The following CASP8 variants were observed in gnomAD, a reference collection of about 807,000 sequenced individuals.
The protein encoded by CASP8 is caspase-8.
A neutral mutation model predicts 46.3 loss-of-function variants in CASP8; 24 were observed. The ratio of observed to expected loss-of-function variants is 0.52; its 90% CI spans 0.38 to 0.73. CASP8 has a LOEUF of 0.73. CASP8 is among the 30% of genes least tolerant of loss of function. The pLI is 0.00. For missense variants in CASP8, 460 were observed against 559.0 expected (o/e 0.82, Z 1.79); for synonymous variants, 188 against 200.4 (o/e 0.94, Z 0.52).
At chr2:201,270,409 C>G (rs1948159979) in intron 2 of CASP8, among the ~76,000 whole-genome samples, 1 of 152,194 alleles carries the variant, frequency 6.6e-6, no homozygotes, top group South Asian at 2.1e-4. Flanking sequence ...AAAGTTAACA[C>G]TGCTCAAAGA....
At chr2:201,246,932 T>C (rs967499581) in intron 2 of CASP8, among the ~76,000 whole-genome samples, 1 of 152,026 alleles carries the variant, frequency 6.6e-6, no homozygotes, top group African/African-American at 2.4e-5. Flanking sequence ...CACAGTGGCT[T>C]ACTCCTGTAA....
At chr2:201,268,946 TG>T (rs1559353267) in intron 2 of CASP8, among the ~76,000 whole-genome samples, 1 of 145,038 alleles carries the variant, frequency 6.9e-6, no homozygotes, top group East Asian at 2.0e-4. Context: ...TGTGTGTGTG[TG>T]TGTGTGTGTG....
intron 2 of CASP8, among the ~76,000 whole-genome samples, chr2:201,247,547 C>T (rs917107216): frequency 2.7e-5 from 4 of 150,464 alleles, no homozygotes; most frequent in South Asian, 2.1e-4. Flanking sequence ...GGTGTGATCT[C>T]GGCTCACTGC....
At chr2:201,276,139 G>A (rs758654042) in intron 6 of CASP8, among the ~76,000 whole-genome samples, 16 of 152,184 alleles carry the variant, frequency 1.1e-4, no homozygotes, top group Middle Eastern at 3.4e-3. Context: ...TGAGTTTCTC[G>A]GTACTGAAAC....
intron 2 of CASP8, chr2:201,269,460 G>A (rs1292871704): frequency 3.7e-6 from 5 of 1,333,436 alleles, no homozygotes; most frequent in Non-Finnish European, 5.3e-6. Context: ...CCAGAACAAG[G>A]AAAGCCGAGG....
chr2:201,244,344 C>G (rs1946420107), intron 2 of CASP8, among the ~76,000 whole-genome samples: 1 of 152,208 alleles, frequency 6.6e-6, no homozygotes, highest in African/African-American at 2.4e-5. Flanking sequence ...ACAGGCATAT[C>G]AATGAATTTA....
intron 2 of CASP8, among the ~76,000 whole-genome samples, chr2:201,244,575 G>A (rs1946431445): frequency 6.6e-6 from 1 of 152,012 alleles, no homozygotes; most frequent in South Asian, 2.1e-4. Context: ...AAAAAAAAAA[G>A]TTTCTCTTCT....
chr2:201,264,651 A>T (rs538228125), intron 1 of CASP8, among the ~76,000 whole-genome samples: 3 of 152,170 alleles, frequency 2.0e-5, no homozygotes, highest in Non-Finnish European at 4.4e-5. Flanking sequence ...CCAGACAATT[A>T]TCATGCCAGC....
intron 7 of CASP8, among the ~76,000 whole-genome samples, chr2:201,278,987 T>C (rs1442619271): frequency 6.6e-6 from 1 of 150,438 alleles, no homozygotes. Context: ...TTTGGGGGAG[T>C]TGAAAAAAAA....
intron 2 of CASP8, among the ~76,000 whole-genome samples, chr2:201,254,144 A>G (rs1946913511): frequency 6.6e-6 from 1 of 152,194 alleles, no homozygotes; most frequent in Admixed American, 6.5e-5. Context: ...ATCAGAGTCT[A>G]ACAAACTCAA....
intron 7 of CASP8, among the ~76,000 whole-genome samples, chr2:201,283,697 C>CT (rs1232967749): frequency 1.1e-5 from 1 of 92,014 alleles, no homozygotes; most frequent in Non-Finnish European, 2.7e-5. Context: ...ACCACCCCCC[C>CT]CCGCCTCCCT....
Position 201,239,076 on chromosome 2 carries a change from G to A in CASP8, c.-27+4964G>A, listed in dbSNP as rs548354311. The stretch of plus-strand genomic sequence containing the variant: ...ACAGCACATGTTTCAGAGAGCACAG[G>A]GTTGGGGGTAAGGTCACAGATCTAC... On this transcript the variant is annotated intron_variant, in intron 2 of 6. Transcript: ENST00000264274. 3.7e-4 allele frequency among the ~76,000 whole-genome samples: 57 copies of A among 152,214 alleles called. No homozygotes were observed. In the South Asian group the frequency reaches 5.2e-3, roughly 14 times the overall value.
intron 2 of CASP8, among the ~76,000 whole-genome samples, chr2:201,254,249 G>C (rs539376398): frequency 6.6e-6 from 1 of 152,316 alleles, no homozygotes; most frequent in South Asian, 2.1e-4. Context: ...ACAAGCTGCA[G>C]AGTATGCAGA....
chr2:201,282,036 A>G lies in CASP8; in HGVS notation c.803-2780A>G, dbSNP rs1949074460. On this transcript the variant is annotated intron_variant, in intron 7 of 8. Transcript: ENST00000673742. ...ATAGTGGAGGGAAGGTCAGCAGATA[A>G]ACAAGTGAACAAAGGTCTCTGGTTT... 9 of 100,130 alleles carry G rather than the reference A, an allele frequency of 9.0e-5. No individual in the cohort carries two copies. In the South Asian group the frequency reaches 1.3e-3, roughly 14 times the overall value. 6.2% of individuals were successfully genotyped at this position (100,130 alleles called of 1,614,324 possible).
intron 2 of CASP8, among the ~76,000 whole-genome samples, chr2:201,253,532 T>C (rs1946881730): frequency 6.6e-6 from 1 of 151,996 alleles, no homozygotes; most frequent in Admixed American, 6.6e-5. Context: ...GCTTAACAAA[T>C]GCACTGTTAT....
intron 7 of CASP8, among the ~76,000 whole-genome samples, chr2:201,280,119 A>G (rs1279695030): frequency 1.3e-5 from 2 of 152,248 alleles, no homozygotes; most frequent in Non-Finnish European, 2.9e-5. Flanking sequence ...GGTCCATGAA[A>G]GAACAAGATG....
chr2:201,274,501 G>GTC (rs1230392324), intron 5 of CASP8, among the ~76,000 whole-genome samples: 1 of 152,182 alleles, frequency 6.6e-6, no homozygotes, highest in Non-Finnish European at 1.5e-5. Flanking sequence ...TTGAGACAGA[G>GTC]TCTCACTCTG....
chr2:201,254,128 A>C (rs2125017828), intron 2 of CASP8, among the ~76,000 whole-genome samples: 1 of 152,118 alleles, frequency 6.6e-6, no homozygotes, highest in Admixed American at 6.5e-5. Flanking sequence ...TGACATGAAT[A>C]TTGGAATCAG....
chr2:201,237,429 T>A (rs1576179133), intron 2 of CASP8, among the ~76,000 whole-genome samples: 2 of 117,944 alleles, frequency 1.7e-5, no homozygotes, highest in African/African-American at 3.3e-5. Flanking sequence ...CTCCAGTAGA[T>A]CTTCAGAGTA....
Sources: allele counts gnomAD v4.1 joint callset (sites outside exome capture counted in the v4.1 genomes callset), GRCh38; gene constraint gnomAD v4.1.1; transcripts MANE v1.5; gene names NCBI Gene and HGNC (gene_info 2026-07-23, HGNC 2026-07-21).